EFHD2: variants seen among roughly 807,000 people sequenced by gnomAD.
EFHD2 encodes EF-hand domain-containing protein D2.
EFHD2 carries 12 observed loss-of-function variants against 20.3 expected under a neutral mutation model. The ratio of observed to expected loss-of-function variants is 0.59; its 90% CI spans 0.38 to 0.96. The LOEUF is 0.96. EFHD2 is among the 40% of genes least tolerant of loss of function. EFHD2 has a pLI of 0.00. For synonymous variants in EFHD2, 131 were observed against 143.9 expected, an observed-to-expected ratio of 0.91 and a Z score of 0.64; for missense variants, 250 against 334.3, an observed-to-expected ratio of 0.75 and a Z score of 1.97.
At position 15,413,836 on chromosome 1, in the gene EFHD2, A is replaced by G. The variant is rs1707596003; in HGVS notation, c.308+3557A>G. Among the ~76,000 whole-genome samples the G allele has an allele frequency of 6.6e-6, 1 of 152,196 alleles. No homozygotes were observed. The highest frequency in any genetic ancestry group is 2.1e-4 in the South Asian group (1 of 4,834). ...TTAGAGTTCTGGGCCAGTGCCAGGC[A>G]CAAGGAGGCTCTGCGTCTCCCTGGC... On this transcript the variant is annotated intron_variant, in intron 1 of 3. Coordinates refer to ENST00000375980, the MANE Select transcript of EFHD2 (RefSeq NM_024329.6). The surrounding 1 kb of genome is among the most constrained non-coding windows in gnomAD (Gnocchi z 4.4).
At chr1:15,411,482 G>A (rs1707513202) in intron 1 of EFHD2, among the ~76,000 whole-genome samples, 1 of 152,178 alleles carries the variant, frequency 6.6e-6, no homozygotes, top group Admixed American at 6.5e-5. Flanking sequence ...GGTCTAAGAT[G>A]CACAGCCACT....
intron 1 of EFHD2, 49 bp downstream of exon 1, chr1:15,410,328 C>T: frequency 6.6e-7 from 1 of 1,510,808 alleles, no homozygotes; most frequent in Non-Finnish European, 8.8e-7. Context: ...GACCCGGTCT[C>T]GGGCCCCGAA....
chr1:15,423,426 C>T (rs1360695518), intron 1 of EFHD2, among the ~76,000 whole-genome samples: 1 of 152,202 alleles, frequency 6.6e-6, no homozygotes, highest in Non-Finnish European at 1.5e-5. Context: ...CACAAATGCT[C>T]CCCTTGTGCT....
At position 15,413,252 on chromosome 1, in the gene EFHD2, C is replaced by G. The variant is rs569292967; in HGVS notation, c.308+2973C>G. ...CCTCCTGGGAAGCCAGTCACTAGAG[C>G]AGGAGGCAGGAGACCATGAGGTCAG... On this transcript the variant is annotated intron_variant, in intron 1 of 3. Coordinates refer to ENST00000375980, the MANE Select transcript of EFHD2 (RefSeq NM_024329.6). The surrounding 1 kb of genome is among the most constrained non-coding windows in gnomAD (Gnocchi z 4.4). Among the ~76,000 whole-genome samples the G allele has an allele frequency of 7.2e-5, 11 of 152,264 alleles. No homozygotes were observed. In the South Asian group the frequency reaches 2.3e-3, roughly 32 times the overall value.
intron 1 of EFHD2, among the ~76,000 whole-genome samples, chr1:15,425,094 G>T (rs1707851426): frequency 6.6e-6 from 1 of 152,176 alleles, no homozygotes; most frequent in Non-Finnish European, 1.5e-5. Context: ...CCATGCCCTT[G>T]CCTGCAAGGT....
Position 15,428,735 on chromosome 1 carries a change from A to G in EFHD2, c.*11A>G. The G allele has an allele frequency of 6.4e-7, 1 of 1,570,132 alleles. No individual in the cohort carries two copies. The highest frequency in any genetic ancestry group is 1.4e-5 in the African/African-American group (1 of 73,852). ...TCCACCTTTAAGTAGCGGGGGCTGCAGCCGACCGCCCTGCTCCGGCCCCAG... is the reference window on the plus strand; with the variant it reads ...TCCACCTTTAAGTAGCGGGGGCTGCGGCCGACCGCCCTGCTCCGGCCCCAG... On this transcript the variant is annotated 3_prime_UTR_variant, in exon 4 of 4. Coordinates refer to ENST00000375980, the MANE Select transcript of EFHD2 (RefSeq NM_024329.6).
intron 3 of EFHD2, chr1:15,427,773 C>G (rs1285820523): frequency 5.2e-6 from 2 of 384,990 alleles, no homozygotes; most frequent in East Asian, 1.5e-4. Context: ...GGGTCCTGCC[C>G]ACCCGGGGCC....
At position 15,425,879 on chromosome 1, in the gene EFHD2, C is replaced by T; in HGVS notation, c.317C>T (p.Ala106Val). Residue 106 changes from alanine (A) to valine (V), a missense_variant, in exon 2 of 4, where the codon GCC (alanine) becomes GTC (valine). Transcript: ENST00000375980. ...DMEKMFKQYD[A>V]GRDGFIDLME... ...TCTTTTTGCATCTGCAGGTATGATG[C>T]CGGGCGGGACGGCTTCATCGACCTG... 5.0e-6 allele frequency: 8 copies of T among 1,605,496 alleles called. No homozygotes were observed. The highest frequency in any genetic ancestry group is 6.8e-6 in the Non-Finnish European group (8 of 1,176,586).
intron 1 of EFHD2, among the ~76,000 whole-genome samples, chr1:15,412,037 G>A (rs533706306): frequency 2.6e-5 from 4 of 152,074 alleles, no homozygotes; most frequent in African/African-American, 9.6e-5. Flanking sequence ...CTTGACCCCC[G>A]GCCCCTCTGA....
At chr1:15,419,018 A>G (rs773282568) in intron 1 of EFHD2, among the ~76,000 whole-genome samples, 3 of 152,278 alleles carry the variant, frequency 2.0e-5, no homozygotes, top group Non-Finnish European at 4.4e-5. Context: ...CAGAGTAGCC[A>G]GGAATGATGA....
intron 1 of EFHD2, among the ~76,000 whole-genome samples, chr1:15,424,469 C>T (rs545030504): frequency 6.6e-6 from 1 of 152,312 alleles, no homozygotes; most frequent in South Asian, 2.1e-4. Flanking sequence ...CTGTCTCTGC[C>T]AGGTTGTTAG....
chr1:15,427,366 C>T, intron 3 of EFHD2, 82 bp downstream of exon 3: 1 of 1,519,162 alleles, frequency 6.6e-7, no homozygotes, highest in Non-Finnish European at 8.9e-7. Context: ...GGTCCCCTTC[C>T]CGTCCCTGCT....
intron 1 of EFHD2, among the ~76,000 whole-genome samples, chr1:15,418,116 A>G (rs1182841909): frequency 6.9e-6 from 1 of 143,900 alleles, no homozygotes; most frequent in Non-Finnish European, 1.5e-5. Flanking sequence ...CAGCCTCCCT[A>G]GTAGCTGGGA....
In EFHD2 at chr1:15,429,071, G is replaced by A. The variant is rs894278652; in HGVS notation, c.*347G>A. On this transcript the variant is annotated 3_prime_UTR_variant, in exon 4 of 4. Coordinates refer to ENST00000375980, the MANE Select transcript of EFHD2 (RefSeq NM_024329.6). ...TCCCTCCCAGCCCCATGTGCCTGCC[G>A]CCTGCCCTCCACACATCCCTGTCCC... The A allele has an allele frequency of 2.4e-5, 7 of 288,242 alleles. No individual in the cohort carries two copies. Among genetic ancestry groups the A allele is most frequent in the African/African-American group, 8.9e-5 (4 of 45,166 alleles). The allele number at this position is 288,242 out of a possible 1,614,324, so 17.9% of individuals were successfully genotyped here. A position where few individuals can be genotyped will look rare whatever the true frequency, so the allele number is the denominator to read the frequency against.
intron 1 of EFHD2, 77 bp downstream of exon 1, chr1:15,410,356 C>A: frequency 1.4e-6 from 2 of 1,445,356 alleles, no homozygotes; most frequent in Admixed American, 5.3e-5. Context: ...ATCCCCGGAT[C>A]CCGCTCCGCC....
At chr1:15,420,791 T>A (rs1233075131) in intron 1 of EFHD2, among the ~76,000 whole-genome samples, 3 of 152,098 alleles carry the variant, frequency 2.0e-5, no homozygotes, top group Non-Finnish European at 4.4e-5. Flanking sequence ...ATGCTGGGAT[T>A]ACAGGCATGA....
chr1:15,414,744 C>G (rs1299551100), intron 1 of EFHD2, among the ~76,000 whole-genome samples: 3 of 152,236 alleles, frequency 2.0e-5, no homozygotes, highest in Non-Finnish European at 2.9e-5. Context: ...TTAGAGCCCT[C>G]CTTCTCTCCT....
At chr1:15,410,431 C>A in intron 1 of EFHD2, 152 bp downstream of exon 1, 1 of 999,686 alleles carries the variant, frequency 1.0e-6, no homozygotes, top group Non-Finnish European at 1.4e-6. Context: ...GACCCGGCGG[C>A]CCCTTCCAGA....
At position 15,409,950 on chromosome 1, in the gene EFHD2, G is replaced by A; in HGVS notation, c.-22G>A. ...GCGCTGAGAGCAGGGGCCCGGCCAAGGCGAGTGCCGCGCGGGCCACCATGG... is the reference window on the plus strand; with the variant it reads ...GCGCTGAGAGCAGGGGCCCGGCCAAAGCGAGTGCCGCGCGGGCCACCATGG... On this transcript the variant is annotated 5_prime_UTR_variant, in exon 1 of 4. Coordinates refer to ENST00000375980, the MANE Select transcript of EFHD2 (RefSeq NM_024329.6). The A allele has an allele frequency of 8.1e-7, 1 of 1,229,610 alleles. No homozygotes were observed. The highest frequency in any genetic ancestry group is 1.0e-6 in the Non-Finnish European group (1 of 989,390). The allele number at this position is 1,229,610 out of a possible 1,614,324, so 76.2% of individuals were successfully genotyped here.
Sources: allele counts gnomAD v4.1 joint callset (sites outside exome capture counted in the v4.1 genomes callset), GRCh38; gene constraint gnomAD v4.1.1; non-coding constraint Gnocchi (gnomAD v3.1); transcripts MANE v1.5; gene names NCBI Gene and HGNC (gene_info 2026-07-23, HGNC 2026-07-21).